Variants in ADAMTS6 observed in about 807,000 individuals in gnomAD.
ADAMTS6 encodes the protein A disintegrin and metalloproteinase with thrombospondin motifs 6.
ADAMTS6 carries 23 observed loss-of-function variants against 144.3 expected under a neutral mutation model. The observed-to-expected ratio is 0.16, with a 90% confidence interval of 0.11 to 0.23. ADAMTS6 has a LOEUF of 0.23. Ranked by LOEUF, ADAMTS6 falls within the 10% of genes least tolerant of loss-of-function variation. The pLI is 1.00. For missense variants in ADAMTS6, 999 were observed against 1,379.6 expected, an observed-to-expected ratio of 0.72 and a Z score of 4.37; for synonymous variants, 444 against 457.5, an observed-to-expected ratio of 0.97 and a Z score of 0.38.
chr5:65,293,342 G>A (rs906940694), intron 10 of ADAMTS6, among the ~76,000 whole-genome samples: 3 of 151,980 alleles, frequency 2.0e-5, no homozygotes, highest in African/African-American at 7.2e-5. Flanking sequence ...ATTTTAAATT[G>A]TGTACTGAAG....
chr5:65,389,607 G>A (rs1752747493), intron 7 of ADAMTS6, among the ~76,000 whole-genome samples: 1 of 151,150 alleles, frequency 6.6e-6, no homozygotes, highest in African/African-American at 2.4e-5. Flanking sequence ...TTGAAACTGT[G>A]ATACTAGATA....
At chr5:65,434,631 C>T (rs553071009) in intron 7 of ADAMTS6, among the ~76,000 whole-genome samples, 42 of 152,160 alleles carry the variant, frequency 2.8e-4, no homozygotes, top group Admixed American at 7.2e-4. Context: ...TAAGTCTTCC[C>T]TTATTGTTTA....
intron 22 of ADAMTS6, among the ~76,000 whole-genome samples, chr5:65,181,778 C>A (rs1480007274): frequency 6.6e-6 from 1 of 152,176 alleles, no homozygotes; most frequent in Non-Finnish European, 1.5e-5. Context: ...ACATGCTAGG[C>A]AAAAACATAT....
intron 7 of ADAMTS6, among the ~76,000 whole-genome samples, chr5:65,397,706 G>A (rs1044691656): frequency 2.0e-5 from 3 of 151,144 alleles, no homozygotes; most frequent in Admixed American, 1.3e-4. Flanking sequence ...GAGAAACCTC[G>A]ACTCTACAAA....
intron 4 of ADAMTS6, among the ~76,000 whole-genome samples, chr5:65,455,648 T>C (rs1214169475): frequency 6.7e-6 from 1 of 149,784 alleles, no homozygotes; most frequent in Non-Finnish European, 1.5e-5. Flanking sequence ...AAAAAAAAAA[T>C]ACAAAAATTA....
At chr5:65,384,063 G>A (rs953076106) in intron 7 of ADAMTS6, among the ~76,000 whole-genome samples, 1 of 152,190 alleles carries the variant, frequency 6.6e-6, no homozygotes, top group Non-Finnish European at 1.5e-5. Flanking sequence ...TTCTGACCCT[G>A]TGATGGGTGG....
chr5:65,211,616 C>A (rs766489446), intron 20 of ADAMTS6, among the ~76,000 whole-genome samples: 4 of 151,748 alleles, frequency 2.6e-5, no homozygotes, highest in Admixed American at 1.3e-4. Flanking sequence ...CACAAAAAAA[C>A]CCAAAACAAA....
intron 4 of ADAMTS6, among the ~76,000 whole-genome samples, chr5:65,458,932 C>T (rs1034786869): frequency 6.6e-6 from 1 of 152,112 alleles, no homozygotes; most frequent in Non-Finnish European, 1.5e-5. Flanking sequence ...AAGATGAGCA[C>T]TCAGAGAGGT....
intron 2 of ADAMTS6, among the ~76,000 whole-genome samples, chr5:65,473,151 A>G (rs1760592181): frequency 6.6e-6 from 1 of 152,158 alleles, no homozygotes; most frequent in Admixed American, 6.5e-5. Flanking sequence ...CAGAACTCTC[A>G]GGTTTGCAAA....
intron 9 of ADAMTS6, among the ~76,000 whole-genome samples, chr5:65,323,838 T>C (rs1745895092): frequency 6.6e-6 from 1 of 152,224 alleles, no homozygotes; most frequent in African/African-American, 2.4e-5. Context: ...TATCTCATTG[T>C]GGTTTTGATT....
intron 7 of ADAMTS6, among the ~76,000 whole-genome samples, chr5:65,346,574 A>G (rs903806087): frequency 2.0e-5 from 3 of 151,890 alleles, no homozygotes; most frequent in Non-Finnish European, 4.4e-5. Context: ...GAACAGGACA[A>G]TGATGCCCAC....
At chr5:65,346,808 C>T (rs184191638) in intron 7 of ADAMTS6, among the ~76,000 whole-genome samples, 3 of 151,538 alleles carry the variant, frequency 2.0e-5, no homozygotes, top group African/African-American at 7.3e-5. Flanking sequence ...GAAATAGACT[C>T]TACTAAAAAA....
intron 24 of ADAMTS6, among the ~76,000 whole-genome samples, chr5:65,164,054 T>TCAACAGCTCCC (rs1752970804): frequency 6.6e-6 from 1 of 152,182 alleles, no homozygotes; most frequent in African/African-American, 2.4e-5. Context: ...GGAACAGCTC[T>TCAACAGCTCCC]GGTCAACAGC....
chr5:65,466,542 T>C lies in ADAMTS6; in HGVS notation c.462+4236A>G, dbSNP rs151323854. Among the ~76,000 whole-genome samples the C allele has an allele frequency of 1.2e-3, 178 of 152,302 alleles. 1 individual carries two copies. Among genetic ancestry groups the C allele is most frequent in the African/African-American group, 4.0e-3 (168 of 41,568 alleles). ...AACAGAGATTTTTATTTTTCACTAC[T>C]GTAATCCTAGCACCTACAACAGTGC... On this transcript the variant is annotated intron_variant, in intron 3 of 24. Transcript: ENST00000381055.
intron 8 of ADAMTS6, among the ~76,000 whole-genome samples, chr5:65,331,193 T>C (rs990065905): frequency 2.6e-5 from 4 of 152,064 alleles, no homozygotes; most frequent in Non-Finnish European, 5.9e-5. Flanking sequence ...TTATGAAATG[T>C]ATGTTTTTTC....
In ADAMTS6 at chr5:65,170,680, G is replaced by A. The variant is rs1753562056; in HGVS notation, c.3181C>T (p.Arg1061Trp). ...TCACACTGCTGCATTGATGGAGGCC[G>A]AACAGTTTCTAGACAGTCACTAGAT... ...QASSDCLETV[R>W]PPSMQQCESK... is the part of the protein sequence containing the mutation. Residue 1061 changes from arginine (R) to tryptophan (W), a missense_variant, in exon 24 of 25, where the codon CGG becomes TGG. Physicochemically the swap from Arg to Trp is moderately radical, Grantham distance 101 (BLOSUM62 -3). Coordinates refer to ENST00000381055, the MANE Select transcript of ADAMTS6 (RefSeq NM_197941.4). 7 of 1,614,066 alleles carry A rather than the reference G, an allele frequency of 4.3e-6. No individual in the cohort carries two copies. The highest frequency in any genetic ancestry group is 1.6e-4 in the Middle Eastern group (1 of 6,062).
intron 20 of ADAMTS6, chr5:65,198,423 G>T: frequency 6.0e-6 from 1 of 166,664 alleles, no homozygotes. Context: ...TTCAGTGAAA[G>T]AAACTGTCAC....
intron 14 of ADAMTS6, among the ~76,000 whole-genome samples, chr5:65,248,771 A>G (rs1247159422): frequency 1.3e-5 from 2 of 152,140 alleles, no homozygotes; most frequent in Non-Finnish European, 2.9e-5. Context: ...TGGGCAACAG[A>G]GCCTGACTGT....
At position 65,214,379 on chromosome 5, in the gene ADAMTS6, C is replaced by G; in HGVS notation, c.2575+415G>C. 3.0e-6 allele frequency: 1 copy of G among 334,096 alleles called. No homozygotes were observed. The highest frequency in any genetic ancestry group is 5.8e-6 in the Non-Finnish European group (1 of 171,828). The allele number at this position is 334,096 out of a possible 1,614,324, so 20.7% of individuals were successfully genotyped here. On this transcript the variant is annotated intron_variant, in intron 20 of 24. Transcript: ENST00000381055. This position sits in a 1 kb window ranked among gnomAD's most constrained non-coding sequence, Gnocchi z 4.6. ...GGATTGTGGCAAACACACAGGCACA[C>G]AAACACACACAACAAGCACACAGCC... is the stretch of plus-strand genomic sequence containing the variant.
Sources: gnomAD v4.1 joint callset for allele counts (sites outside exome capture counted in the v4.1 genomes callset) on GRCh38, gnomAD v4.1.1 for gene constraint, Gnocchi (gnomAD v3.1) non-coding constraint, MANE v1.5 for transcripts, NCBI Gene and HGNC (gene_info 2026-07-23, HGNC 2026-07-21) for gene names.